The following SERPINH1 variants were observed in gnomAD, a reference collection of about 807,000 sequenced individuals.
SERPINH1 encodes serpin family H member 1, also known as serpin H1.
A neutral mutation model predicts 32.3 loss-of-function variants in SERPINH1; 22 were observed. That is an observed-to-expected ratio of 0.68 (90% CI 0.49 to 0.97). The LOEUF (loss-of-function observed/expected upper bound fraction) is 0.97. Among genes scored for constraint, SERPINH1 ranks in the 50% least tolerant of loss-of-function variants. SERPINH1 has a pLI of 0.00. For synonymous variants in SERPINH1, 251 were observed against 245.9 expected, an observed-to-expected ratio of 1.02 and a Z score of -0.19; for missense variants, 543 against 576.4, an observed-to-expected ratio of 0.94 and a Z score of 0.59.
Position 75,572,176 on chromosome 11 carries a change from C to A in SERPINH1, c.*93C>A. 1 of 1,267,870 alleles carries A rather than the reference C, an allele frequency of 7.9e-7. No homozygotes were observed. The highest frequency in any genetic ancestry group is 1.1e-6 in the Non-Finnish European group (1 of 888,762). The allele number at this position is 1,267,870 out of a possible 1,614,324, so 78.5% of individuals were successfully genotyped here. Reference sequence around the variant, plus strand: ...GGTTGGGGGGGAGGTGAGGTACCAGCCTTGGATACTCCATGGGGTGGGGGT... The same window carrying A: ...GGTTGGGGGGGAGGTGAGGTACCAGACTTGGATACTCCATGGGGTGGGGGT... On this transcript the variant is annotated 3_prime_UTR_variant, in exon 5 of 5. Transcript: ENST00000358171.
intron 1 of SERPINH1, 31 bp from the exon 2 acceptor site, chr11:75,566,285 C>A: frequency 6.4e-7 from 1 of 1,564,258 alleles, no homozygotes; most frequent in Non-Finnish European, 8.7e-7. Context: ...CCTTGGGCTT[C>A]AAGACCACCC....
intron 1 of SERPINH1, among the ~76,000 whole-genome samples, chr11:75,564,226 C>G (rs566108310): frequency 7.2e-5 from 11 of 152,244 alleles, no homozygotes; most frequent in Non-Finnish European, 1.6e-4. Flanking sequence ...CTGCCTGCCA[C>G]GTCACCACCA....
chr11:75,572,182 A>T lies in SERPINH1; in HGVS notation c.*99A>T. 4 of 1,191,372 alleles carry T rather than the reference A, an allele frequency of 3.4e-6. No homozygotes were observed. The highest frequency in any genetic ancestry group is 1.3e-5 in the South Asian group (1 of 77,596). 73.8% of individuals were successfully genotyped at this position (1,191,372 alleles called of 1,614,324 possible). A position where few individuals can be genotyped will look rare whatever the true frequency, so the allele number is the denominator to read the frequency against. On this transcript the variant is annotated 3_prime_UTR_variant, in exon 5 of 5. Coordinates refer to ENST00000358171, the MANE Select transcript of SERPINH1 (RefSeq NM_001235.5). The stretch of plus-strand genomic sequence containing the variant: ...GGGGGAGGTGAGGTACCAGCCTTGG[A>T]TACTCCATGGGGTGGGGGTGGAAAA...
chr11:75,568,913 C>T (rs2135554532), intron 3 of SERPINH1, 26 bp from the exon 4 acceptor site: 3 of 1,609,602 alleles, frequency 1.9e-6, no homozygotes, highest in Non-Finnish European at 2.6e-6. Flanking sequence ...ACAGGGTGCC[C>T]AGTGTCCTTT....
rs758312076 is a variant in SERPINH1, at chr11:75,571,935, T to C, written c.1109T>C (p.Ile370Thr). 2.2e-5 allele frequency: 35 copies of C among 1,614,206 alleles called. No individual in the cohort carries two copies. Among genetic ancestry groups the C allele is most frequent in the Non-Finnish European group, 2.7e-5 (32 of 1,180,038 alleles). Residue 370 changes from isoleucine (I) to threonine (T), a missense_variant, in exon 5 of 5, where the codon ATC becomes ACC. Physicochemically the swap from Ile to Thr is moderately conservative, Grantham distance 89. Transcript: ENST00000358171. ...GATGGCAACCCCTTTGACCAGGACA[T>C]CTACGGGCGCGAGGAGCTGCGCAGC... Reference protein sequence around the residue: ...DTDGNPFDQDIYGREELRSPK... With the variant: ...DTDGNPFDQDTYGREELRSPK...
At chr11:75,564,950 C>G (rs1198081913) in intron 1 of SERPINH1, among the ~76,000 whole-genome samples, 1 of 152,232 alleles carries the variant, frequency 6.6e-6, no homozygotes, top group Non-Finnish European at 1.5e-5. Context: ...AATGTTCGGT[C>G]TTCTTCAAGG....
In SERPINH1 at chr11:75,566,637, G is replaced by C; in HGVS notation, c.288G>C (p.Val96=). The C allele has an allele frequency of 6.2e-7, 1 of 1,607,842 alleles. No individual in the cohort carries two copies. The highest frequency in any genetic ancestry group is 8.5e-7 in the Non-Finnish European group (1 of 1,178,626). Residue 96 remains valine, a synonymous_variant, in exon 2 of 5, where the codon GTG becomes GTC. Transcript: ENST00000358171. ...KATTASQAKA[V]LSAEQLRDEE... is the part of the protein sequence containing the mutation. ...CCACGGCGTCGCAGGCCAAGGCAGT[G>C]CTGAGCGCCGAGCAGCTGCGCGACG...
chr11:75,564,619 G>A (rs1218505671), intron 1 of SERPINH1, among the ~76,000 whole-genome samples: 2 of 152,196 alleles, frequency 1.3e-5, no homozygotes, highest in East Asian at 3.8e-4. Context: ...AGTTCTGGCA[G>A]GGAAGGAGCC....
Position 75,572,172 on chromosome 11 carries a change from C to T in SERPINH1, c.*89C>T. 1 of 1,328,058 alleles carries T rather than the reference C, an allele frequency of 7.5e-7. No individual in the cohort carries two copies. Among genetic ancestry groups the T allele is most frequent in the Non-Finnish European group, 1.1e-6 (1 of 941,326 alleles). The allele number at this position is 1,328,058 out of a possible 1,614,324, so 82.3% of individuals were successfully genotyped here. A position where few individuals can be genotyped will look rare whatever the true frequency, so the allele number is the denominator to read the frequency against. ...TTGGGGTTGGGGGGGAGGTGAGGTA[C>T]CAGCCTTGGATACTCCATGGGGTGG... On this transcript the variant is annotated 3_prime_UTR_variant, in exon 5 of 5. Transcript: ENST00000358171.
At position 75,568,989 on chromosome 11, in the gene SERPINH1, A is replaced by G; in HGVS notation, c.772A>G (p.Met258Val). 1 of 1,614,132 alleles carries G rather than the reference A, an allele frequency of 6.2e-7. No homozygotes were observed. The highest frequency in any genetic ancestry group is 8.5e-7 in the Non-Finnish European group (1 of 1,180,028). The change falls in exon 4 of 5, where the codon ATG becomes GTG. Residue 258 changes from methionine (M) to valine (V), a missense_variant. Physicochemically the swap from Met to Val is conservative, Grantham distance 21. Coordinates refer to ENST00000358171, the MANE Select transcript of SERPINH1 (RefSeq NM_001235.5). Reference protein sequence around the residue: ...DEKEKLQIVEMPLAHKLSSLI... With the variant: ...DEKEKLQIVEVPLAHKLSSLI... ...GAAGGAAAAGCTGCAAATCGTGGAG[A>G]TGCCCCTGGCCCACAAGCTCTCCAG...
At chr11:75,570,446 C>T (rs1942177530) in intron 4 of SERPINH1, among the ~76,000 whole-genome samples, 1 of 152,118 alleles carries the variant, frequency 6.6e-6, no homozygotes, top group African/African-American at 2.4e-5. Flanking sequence ...GTTGTCCCAC[C>T]CCCTTCTCCC....
intron 3 of SERPINH1, 22 bp from the exon 4 acceptor site, chr11:75,568,917 G>A (rs1942146209): frequency 1.2e-6 from 2 of 1,612,376 alleles, no homozygotes; most frequent in Middle Eastern, 1.7e-4. Flanking sequence ...GGTGCCCAGT[G>A]TCCTTTCCGC....
rs1942220847 is a variant in SERPINH1, at chr11:75,572,682, T to C, written c.*599T>C. The C allele has an allele frequency of 6.4e-6, 1 of 157,022 alleles. No homozygotes were observed. Among genetic ancestry groups the C allele is most frequent in the African/African-American group, 2.4e-5 (1 of 41,480 alleles). The allele number at this position is 157,022 out of a possible 1,614,324, so 9.7% of individuals were successfully genotyped here. On this transcript the variant is annotated 3_prime_UTR_variant, in exon 5 of 5. Transcript: ENST00000358171. ...TTGTTTTGTTTCTTCCTTTTTTAGT[T>C]CTTCAAAGATAGGGAGGGAAGGGGG...
intron 4 of SERPINH1, among the ~76,000 whole-genome samples, chr11:75,570,867 C>T (rs919847350): frequency 1.3e-5 from 2 of 152,132 alleles, no homozygotes; most frequent in Admixed American, 6.5e-5. Flanking sequence ...CCTGTGGGCT[C>T]GGGAAGGCTT....
At chr11:75,563,898 C>T (rs1380753777) in intron 1 of SERPINH1, 2 of 152,606 alleles carry the variant, frequency 1.3e-5, no homozygotes, top group Non-Finnish European at 2.9e-5. Context: ...CTTGTATTTT[C>T]TTTGTGGGAC....
rs758825132 is a variant in SERPINH1, at chr11:75,566,646, C to A, written c.297C>A (p.Ala99=). The change falls in exon 2 of 5, where the codon GCC becomes GCA. Residue 99 remains alanine, a synonymous_variant. Transcript: ENST00000358171. ...TASQAKAVLS[A]EQLRDEEVHA... ...CGCAGGCCAAGGCAGTGCTGAGCGC[C>A]GAGCAGCTGCGCGACGAGGAGGTGC... 6.2e-7 allele frequency: 1 copy of A among 1,607,506 alleles called. No individual in the cohort carries two copies. The highest frequency in any genetic ancestry group is 1.7e-5 in the Admixed American group (1 of 59,578).
At chr11:75,569,224 G>T in intron 4 of SERPINH1, 53 bp downstream of exon 4, 4 of 1,361,646 alleles carry the variant, frequency 2.9e-6, no homozygotes, top group Non-Finnish European at 1.0e-6. Flanking sequence ...AGGGGGAGGT[G>T]CTTGGGGGAC....
intron 2 of SERPINH1, chr11:75,568,051 C>T (rs997955761): frequency 6.2e-6 from 1 of 160,596 alleles, no homozygotes; most frequent in Non-Finnish European, 1.4e-5. Flanking sequence ...AATCCTAGCA[C>T]TTTGGGAGGC....
chr11:75,571,117 A>C (rs1315662452), intron 4 of SERPINH1, among the ~76,000 whole-genome samples: 1 of 151,982 alleles, frequency 6.6e-6, no homozygotes, highest in Non-Finnish European at 1.5e-5. Context: ...ATGTGTTTTA[A>C]CTTTTTACTA....
Sources: allele counts gnomAD v4.1 joint callset (sites outside exome capture counted in the v4.1 genomes callset), GRCh38; gene constraint gnomAD v4.1.1; transcripts MANE v1.5; gene names NCBI Gene and HGNC (gene_info 2026-07-23, HGNC 2026-07-21).